Variants in ITGAE observed in about 807,000 individuals in gnomAD.
ITGAE encodes the protein integrin subunit alpha E.
A neutral mutation model predicts 136.5 loss-of-function variants in ITGAE; 99 were observed. The observed-to-expected ratio is 0.73, with a 90% CI of 0.62 to 0.86. The LOEUF (loss-of-function observed/expected upper bound fraction) is 0.86, where lower values mean the gene tolerates loss of function less well. Among genes scored for constraint, ITGAE ranks in the 40% least tolerant of loss-of-function variants. The pLI is 0.00. For synonymous variants in ITGAE, 613 were observed against 591.8 expected (o/e 1.04, Z -0.52); for missense variants, 1,447 against 1,515.3 (o/e 0.95, Z 0.75).
At chr17:3,728,224 G>T in intron 24 of ITGAE, 56 bp from the exon 25 acceptor site, 1 of 1,363,056 alleles carries the variant, frequency 7.3e-7, no homozygotes, top group Non-Finnish European at 1.1e-6. Flanking sequence ...CTTTTTTGGA[G>T]ACAGGGTCTC....
intron 21 of ITGAE, among the ~76,000 whole-genome samples, chr17:3,733,134 C>A (rs7217946): frequency 0.22 from 33,479 of 151,808 alleles, 6,013 homozygotes; most frequent in African/African-American, 0.49. Flanking sequence ...TAGGTGCCCA[C>A]CACCACGCCC....
rs2053194632 is a variant in ITGAE, at chr17:3,799,339, G to A, written c.34+1772C>T. ...CCTTCCCGTGGCTGAGCTGAGCTGTGGGCTAAGTGGTCTCATGGCAAGTCT... is the reference window on the plus strand; with the variant it reads ...CCTTCCCGTGGCTGAGCTGAGCTGTAGGCTAAGTGGTCTCATGGCAAGTCT... On this transcript the variant is annotated intron_variant, in intron 1 of 30. Coordinates refer to ENST00000263087, the MANE Select transcript of ITGAE (RefSeq NM_002208.5). This position sits in a 1 kb window ranked among gnomAD's most constrained non-coding sequence, Gnocchi z 4.1. Among the ~76,000 whole-genome samples, 1 of 152,154 alleles carries A rather than the reference G, an allele frequency of 6.6e-6. No individual in the cohort carries two copies. The highest frequency in any genetic ancestry group is 1.5e-5 in the Non-Finnish European group (1 of 68,024).
At chr17:3,764,903 G>A (rs920623071) in intron 2 of ITGAE, among the ~76,000 whole-genome samples, 13 of 152,166 alleles carry the variant, frequency 8.5e-5, no homozygotes, top group African/African-American at 3.1e-4. Context: ...GAGACAGACA[G>A]TGAGCTCCGG....
At chr17:3,757,914 T>A in intron 8 of ITGAE, 55 bp from the exon 9 acceptor site, 1 of 1,587,596 alleles carries the variant, frequency 6.3e-7, no homozygotes, top group Non-Finnish European at 8.6e-7. Context: ...ATGACCGAGC[T>A]CCAGGAGAGA....
intron 24 of ITGAE, chr17:3,729,264 C>T (rs1382485987): frequency 9.4e-6 from 5 of 533,762 alleles, no homozygotes; most frequent in Non-Finnish European, 1.7e-5. Flanking sequence ...GACTAGTTGG[C>T]AATACACCTC....
Position 3,751,834 on chromosome 17 carries a change from G to T in ITGAE, c.1709C>A (p.Pro570His). 6.2e-7 allele frequency: 1 copy of T among 1,614,086 alleles called. No individual in the cohort carries two copies. Among genetic ancestry groups the T allele is most frequent in the Non-Finnish European group, 8.5e-7 (1 of 1,179,972 alleles). The change falls in exon 15 of 31, where the codon CCC becomes CAC. Residue 570 changes from proline to histidine, a missense_variant. Pro to His is a moderately conservative substitution (Grantham distance 77). Coordinates refer to ENST00000263087, the MANE Select transcript of ITGAE (RefSeq NM_002208.5). The stretch of plus-strand genomic sequence containing the variant: ...GCCAAAGCGGGCATTGGTGAACCCG[G>T]GGTGCCCACTCAGTATGCGTGCCAA... ...FSLARILSGH[P>H]GFTNARFGFA...
At chr17:3,791,587 A>G (rs1234666199) in intron 1 of ITGAE, among the ~76,000 whole-genome samples, 1 of 152,138 alleles carries the variant, frequency 6.6e-6, no homozygotes, top group Non-Finnish European at 1.5e-5. Flanking sequence ...CCGGCCCTTC[A>G]TGTTCTTTAG....
In ITGAE at chr17:3,731,139, T is replaced by C. The variant is rs2051332494; in HGVS notation, c.2799A>G (p.Pro933=). 2 of 1,613,836 alleles carry C rather than the reference T, an allele frequency of 1.2e-6. No individual in the cohort carries two copies. Among genetic ancestry groups the C allele is most frequent in the African/African-American group, 2.7e-5 (2 of 75,008 alleles). ...TCACAGTGATGTCTGCTGTCCTGTTTGGAAAGGCATTCTCCTCTAGCTGCC... is the reference window on the plus strand; with the variant it reads ...TCACAGTGATGTCTGCTGTCCTGTTCGGAAAGGCATTCTCCTCTAGCTGCC... The part of the protein sequence containing the change: ...VVWQLEENAF[P]NRTADITVTV... Residue 933 remains proline (P), a synonymous_variant, in exon 23 of 31, where the codon CCA becomes CCG. Coordinates refer to ENST00000263087, the MANE Select transcript of ITGAE (RefSeq NM_002208.5).
chr17:3,734,819 T>G lies in ITGAE; in HGVS notation c.2653A>C (p.Lys885Gln), dbSNP rs1176139340. 1 of 1,614,084 alleles carries G rather than the reference T, an allele frequency of 6.2e-7. No individual in the cohort carries two copies. Residue 885 changes from lysine (K) to glutamine (Q), a missense_variant and splice_region_variant, in exon 21 of 31, where the codon AAG becomes CAG. Physicochemically the swap from Lys to Gln is moderately conservative, Grantham distance 53. Transcript: ENST00000263087. Reference protein sequence around the residue: ...PRNLQLKRMQKPPSPNIQCDD... With the variant: ...PRNLQLKRMQQPPSPNIQCDD... ...TCCACAGCCACCGTCACAGTCACCT[T>G]TTGCATCCTCTTCAACTGCAGGTTT...
intron 28 of ITGAE, among the ~76,000 whole-genome samples, chr17:3,721,335 A>T (rs768548662): frequency 5.3e-5 from 7 of 132,234 alleles, no homozygotes; most frequent in Non-Finnish European, 1.1e-4. Context: ...GGAGTGGCTC[A>T]ATCATAGCTC....
At position 3,787,543 on chromosome 17, in the gene ITGAE, C is replaced by CCACT. The variant is rs2052829108; in HGVS notation, c.35-9887_35-9884dup. Among the ~76,000 whole-genome samples, 3 of 152,280 alleles carry CCACT rather than the reference C, an allele frequency of 2.0e-5. No homozygotes were observed. In the South Asian group the frequency reaches 6.2e-4, roughly 32 times the overall value. ...AAAGCCCTGGGTTTCCAGGTGTGAGCCACTGTGTCTGGCCTGCTATGAGTG... is the reference window on the plus strand; with the variant it reads ...AAAGCCCTGGGTTTCCAGGTGTGAGCCACTCACTGTGTCTGGCCTGCTATGAGTG... On this transcript the variant is annotated intron_variant, in intron 1 of 30. Transcript: ENST00000263087.
chr17:3,755,342 C>G (rs2051995513), intron 11 of ITGAE, 81 bp from the exon 12 acceptor site: 1 of 1,424,280 alleles, frequency 7.0e-7, no homozygotes, highest in Admixed American at 2.7e-5. Flanking sequence ...TCCGGGCCAG[C>G]GCGGCTAACC....
At chr17:3,732,554 C>T in intron 21 of ITGAE, 88 bp from the exon 22 acceptor site, 1 of 1,131,384 alleles carries the variant, frequency 8.8e-7, no homozygotes, top group South Asian at 1.3e-5. Context: ...AGCAAACATT[C>T]ACTAATTTTT....
intron 1 of ITGAE, among the ~76,000 whole-genome samples, chr17:3,788,735 AATT>A (rs1460327861): frequency 6.8e-6 from 1 of 146,334 alleles, no homozygotes; most frequent in East Asian, 2.0e-4. Flanking sequence ...TAAAAATAAT[AATT>A]ATTAAAATAA....
chr17:3,788,786 AAAT>A (rs1260921032), intron 1 of ITGAE, among the ~76,000 whole-genome samples: 4 of 145,942 alleles, frequency 2.7e-5, no homozygotes, highest in Non-Finnish European at 3.0e-5. Flanking sequence ...AATTATTTAA[AAAT>A]AATAATTATT....
chr17:3,800,886 C>T (rs752275574), intron 1 of ITGAE, among the ~76,000 whole-genome samples: 7 of 152,196 alleles, frequency 4.6e-5, no homozygotes, highest in Non-Finnish European at 8.8e-5. Flanking sequence ...AGTCCAAAGG[C>T]CCTGGCTGAC....
intron 15 of ITGAE, among the ~76,000 whole-genome samples, chr17:3,750,744 C>T (rs1197039814): frequency 6.6e-6 from 1 of 151,578 alleles, no homozygotes; most frequent in African/African-American, 2.4e-5. Flanking sequence ...TGAGAAGCAG[C>T]CAGGGCCAGG....
chr17:3,723,925 G>T (rs540000491), intron 26 of ITGAE, 181 bp from the exon 27 acceptor site: 13 of 1,543,990 alleles, frequency 8.4e-6, no homozygotes, highest in Admixed American at 2.0e-5. Context: ...ACCTCTTGGC[G>T]GGTGCCGGCC....
Position 3,784,713 on chromosome 17 carries a change from C to T in ITGAE, c.35-7053G>A, listed in dbSNP as rs1007542327. Among the ~76,000 whole-genome samples, 4 of 152,156 alleles carry T rather than the reference C, an allele frequency of 2.6e-5. No individual in the cohort carries two copies. The East Asian group carries it at 7.7e-4, about 29-fold the overall frequency. On this transcript the variant is annotated intron_variant, in intron 1 of 30. Coordinates refer to ENST00000263087, the MANE Select transcript of ITGAE (RefSeq NM_002208.5). ...CTCAGAAACATTATTTTCAAGTACA[C>T]GTGAAACATTTACCAAAATTGACCA...
Sources: gnomAD v4.1 joint callset for allele counts (sites outside exome capture counted in the v4.1 genomes callset) on GRCh38, gnomAD v4.1.1 for gene constraint, Gnocchi (gnomAD v3.1) non-coding constraint, MANE v1.5 for transcripts, NCBI Gene and HGNC (gene_info 2026-07-23, HGNC 2026-07-21) for gene names.